The following RADIL variants were observed in gnomAD, a reference collection of about 807,000 sequenced individuals.
The protein encoded by RADIL is ras-associating and dilute domain-containing protein.
A neutral mutation model predicts 97.6 loss-of-function variants in RADIL; 99 were observed. The observed-to-expected ratio is 1.01, with a 90% CI of 0.86 to 1.20. RADIL has a LOEUF of 1.20. Among genes scored for constraint, RADIL ranks in the 50% most tolerant of loss-of-function variants. The pLI is 0.00. For synonymous variants in RADIL, 803 were observed against 691.8 expected, an observed-to-expected ratio of 1.16 and a Z score of -2.52; for missense variants, 1,765 against 1,498.9, an observed-to-expected ratio of 1.18 and a Z score of -2.93.
At chr7:4,866,004 T>G (rs1784122771) in intron 2 of RADIL, among the ~76,000 whole-genome samples, 1 of 152,212 alleles carries the variant, frequency 6.6e-6, no homozygotes. Flanking sequence ...TCTAGGTTTG[T>G]GTAAGTCACT....
chr7:4,803,632 G>C lies in RADIL; in HGVS notation c.2413C>G (p.His805Asp), dbSNP rs1385005331. The C allele has an allele frequency of 1.3e-6, 2 of 1,549,940 alleles. No individual in the cohort carries two copies. The highest frequency in any genetic ancestry group is 2.7e-5 in the African/African-American group (2 of 73,022). ...CTGCTCCGCAGACCCCACAGAAAGTGGCGGACGTAGAGCAGGTGCTGGTAG... is the reference window on the plus strand; with the variant it reads ...CTGCTCCGCAGACCCCACAGAAAGTCGCGGACGTAGAGCAGGTGCTGGTAG... The part of the protein sequence containing the change: ...SIYQHLLYVR[H>D]FLWGLRSRAS... Residue 805 changes from histidine to aspartate, a missense_variant, in exon 11 of 15, where the codon CAC (histidine) becomes GAC (aspartate). By Grantham distance (81) the His-to-Asp change is moderately conservative (BLOSUM62 -1). Coordinates refer to ENST00000399583, the MANE Select transcript of RADIL (RefSeq NM_018059.5).
At position 4,800,295 on chromosome 7, in the gene RADIL, A is replaced by G. The variant is rs2115149891; in HGVS notation, c.2858T>C (p.Leu953Pro). 2.0e-6 allele frequency: 3 copies of G among 1,474,432 alleles called. No homozygotes were observed. Among genetic ancestry groups the G allele is most frequent in the Middle Eastern group, 1.8e-4 (1 of 5,522 alleles). The allele number at this position is 1,474,432 out of a possible 1,614,324, so 91.3% of individuals were successfully genotyped here. Residue 953 changes from leucine (L) to proline (P), a missense_variant, in exon 13 of 15, where the codon CTT becomes CCT. Leu to Pro is a moderately conservative substitution (Grantham distance 98, BLOSUM62 -3). Transcript: ENST00000399583. Reference protein sequence around the residue: ...GAAPEGDSAALAEESPPAPSS... With the variant: ...GAAPEGDSAAPAEESPPAPSS... ...CGGGGCTGGAGGGGACTCCTCCGCA[A>G]GGGCTGCAGAGTCTCCTGGGTGGGG...
chr7:4,832,741 CAAAAA>C (rs71032992), intron 4 of RADIL, among the ~76,000 whole-genome samples: 1 of 66,516 alleles, frequency 1.5e-5, no homozygotes, highest in Admixed American at 1.8e-4. Context: ...TCCGTCTCAG[CAAAAA>C]AAAAAAAAAA....
At position 4,836,347 on chromosome 7, in the gene RADIL, G is replaced by A. The variant is rs374700951; in HGVS notation, c.783+11C>T. The A allele has an allele frequency of 6.4e-7, 1 of 1,567,374 alleles. No homozygotes were observed. Among genetic ancestry groups the A allele is most frequent in the Non-Finnish European group, 8.7e-7 (1 of 1,155,952 alleles). On this transcript the variant is annotated intron_variant, in intron 3 of 14. Coordinates refer to ENST00000399583, the MANE Select transcript of RADIL (RefSeq NM_018059.5). ...GGCACCGGGCAGTGGGTGTCAGGAG[G>A]GGAGGCTCACGTGCTGCTGGCTGTA...
Position 4,834,566 on chromosome 7 carries a change from G to A in RADIL, c.1416+41C>T. On this transcript the variant is annotated intron_variant, in intron 4 of 14. Coordinates refer to ENST00000399583, the MANE Select transcript of RADIL (RefSeq NM_018059.5). This position sits in a 1 kb window ranked among gnomAD's most constrained non-coding sequence, Gnocchi z 6.0. ...CAGCTCCGGGCCCCCTCTTCCCCCAGACCGGCACAGGACCCAGACCGCCCA... is the reference window on the plus strand; with the variant it reads ...CAGCTCCGGGCCCCCTCTTCCCCCAAACCGGCACAGGACCCAGACCGCCCA... The A allele has an allele frequency of 7.7e-7, 1 of 1,305,390 alleles. No homozygotes were observed. The highest frequency in any genetic ancestry group is 9.8e-7 in the Non-Finnish European group (1 of 1,023,146). 80.9% of individuals were successfully genotyped at this position (1,305,390 alleles called of 1,614,324 possible). A position where few individuals can be genotyped will look rare whatever the true frequency, so the allele number is the denominator to read the frequency against.
rs866032986 is a variant in RADIL at position 4,816,375 on chromosome 7, C to A, written c.1819G>T (p.Glu607Ter). The A allele has an allele frequency of 6.2e-7, 1 of 1,610,056 alleles. No homozygotes were observed. Among genetic ancestry groups the A allele is most frequent in the South Asian group, 1.1e-5 (1 of 90,556 alleles). ...ESWSSAPELP[E>*]ELRRVVSVYQ... ...ACAGACACCACGCGGCGCAGCTCCT[C>A]GGGCAGTTCGGGGGCCGAGGACCAG... The change falls in exon 8 of 15, where the codon GAG becomes TAG. Residue 607 changes from glutamate to a stop codon, truncating the protein, a stop_gained. Transcript: ENST00000399583. LOFTEE classifies it high-confidence loss of function.
rs918179686 is a variant in RADIL, at chr7:4,799,111, C to T, written c.*267G>A. 27 of 456,548 alleles carry T rather than the reference C, an allele frequency of 5.9e-5. No homozygotes were observed. Among genetic ancestry groups the T allele is most frequent in the East Asian group, 8.5e-5 (2 of 23,470 alleles). The allele number at this position is 456,548 out of a possible 1,614,324, so 28.3% of individuals were successfully genotyped here. ...ACCCCAGCAGGGCACCCTCTAAGAA[C>T]GGGAAAAATAGTTTATTGAACCGTA... is the stretch of plus-strand genomic sequence containing the variant. On this transcript the variant is annotated 3_prime_UTR_variant, in exon 15 of 15. Transcript: ENST00000399583.
Position 4,840,091 on chromosome 7 carries a change from C to T in RADIL, c.536-3486G>A, listed in dbSNP as rs1400695159. Among the ~76,000 whole-genome samples the T allele has an allele frequency of 6.6e-6, 1 of 152,160 alleles. No homozygotes were observed. The highest frequency in any genetic ancestry group is 1.5e-5 in the Non-Finnish European group (1 of 68,020). ...ATAAAAATCACAGAAGTTTGAAAGG[C>T]CTCTTGCTCACGTGTGGCTTTGTGA... On this transcript the variant is annotated intron_variant, in intron 2 of 14. Transcript: ENST00000399583. This position sits in a 1 kb window ranked among gnomAD's most constrained non-coding sequence, Gnocchi z 5.6.
chr7:4,810,522 G>T (rs10228595), intron 9 of RADIL, among the ~76,000 whole-genome samples: 1,809 of 152,298 alleles, frequency 0.012, 42 homozygotes, highest in African/African-American at 0.041. Flanking sequence ...GTACTGAAGA[G>T]ACTGCTTTAT....
Position 4,872,442 on chromosome 7 carries a change from A to G in RADIL, c.535+5163T>C, listed in dbSNP as rs1158927007. 1.3e-5 allele frequency among the ~76,000 whole-genome samples: 2 copies of G among 151,942 alleles called. No homozygotes were observed. Among genetic ancestry groups the G allele is most frequent in the African/African-American group, 4.8e-5 (2 of 41,358 alleles). On this transcript the variant is annotated intron_variant, in intron 2 of 14. Coordinates refer to ENST00000399583, the MANE Select transcript of RADIL (RefSeq NM_018059.5). This position sits in a 1 kb window ranked among gnomAD's most constrained non-coding sequence, Gnocchi z 5.8. The stretch of plus-strand genomic sequence containing the variant: ...CTTACCCCTCCTGCAAAGGCAAACC[A>G]AGCCTCCCCTCACCGTTCCCCAGCC...
chr7:4,881,267 T>C (rs181956554), intron 1 of RADIL, among the ~76,000 whole-genome samples: 15 of 142,322 alleles, frequency 1.1e-4, no homozygotes, highest in African/African-American at 3.4e-4. Context: ...TACAAAAAAT[T>C]AGCCAGGCGT....
At position 4,821,787 on chromosome 7, in the gene RADIL, C is replaced by T. The variant is rs1209359513; in HGVS notation, c.1615+607G>A. Among the ~76,000 whole-genome samples the T allele has an allele frequency of 6.6e-6, 1 of 152,042 alleles. No individual in the cohort carries two copies. Among genetic ancestry groups the T allele is most frequent in the East Asian group, 1.9e-4 (1 of 5,174 alleles). The stretch of plus-strand genomic sequence containing the variant: ...ACGAGAATCGCTTGAACCTGGGAGA[C>T]GGAGCTTGCAGTGAGCCAAGATCGC... On this transcript the variant is annotated intron_variant, in intron 6 of 14. Transcript: ENST00000399583. The surrounding 1 kb of genome is among the most constrained non-coding windows in gnomAD (Gnocchi z 5.2).
chr7:4,854,837 C>T lies in RADIL; in HGVS notation c.536-18232G>A, dbSNP rs6950905. Among the ~76,000 whole-genome samples the T allele has an allele frequency of 6.6e-6, 1 of 151,886 alleles. No individual in the cohort carries two copies. Among genetic ancestry groups the T allele is most frequent in the Non-Finnish European group, 1.5e-5 (1 of 67,948 alleles). ...TCCACCACCCAACCTAAAAAGAATG[C>T]ACTAGTTCCAGAGTCACATCAACCC... On this transcript the variant is annotated intron_variant, in intron 2 of 14. Coordinates refer to ENST00000399583, the MANE Select transcript of RADIL (RefSeq NM_018059.5). The surrounding 1 kb of genome is among the most constrained non-coding windows in gnomAD (Gnocchi z 5.1).
intron 9 of RADIL, 83 bp from the exon 10 acceptor site, chr7:4,805,799 T>TG: frequency 6.6e-7 from 1 of 1,513,996 alleles, no homozygotes; most frequent in Non-Finnish European, 8.8e-7. Flanking sequence ...ACAGGTGGCC[T>TG]GGGGGTAGCC....
At position 4,804,187 on chromosome 7, in the gene RADIL, G is replaced by T. The variant is rs1051929322; in HGVS notation, c.2291-433C>A. 1.1e-5 allele frequency: 3 copies of T among 269,432 alleles called. No individual in the cohort carries two copies. In the East Asian group the frequency reaches 2.4e-4, roughly 21 times the overall value. 16.7% of individuals were successfully genotyped at this position (269,432 alleles called of 1,614,324 possible). A position where few individuals can be genotyped will look rare whatever the true frequency, so the allele number is the denominator to read the frequency against. On this transcript the variant is annotated intron_variant, in intron 10 of 14. Coordinates refer to ENST00000399583, the MANE Select transcript of RADIL (RefSeq NM_018059.5). ...CACGGGACCCAAACGGCCTGTGTGC[G>T]GGCTGCTCTCTGCCCCCAGGAACAG...
chr7:4,868,750 G>A (rs1784187342), intron 2 of RADIL, among the ~76,000 whole-genome samples: 1 of 152,018 alleles, frequency 6.6e-6, no homozygotes, highest in South Asian at 2.1e-4. Flanking sequence ...CAGTGTCCTT[G>A]GTCAAAGAAA....
At chr7:4,820,998 G>A (rs73050354) in intron 6 of RADIL, among the ~76,000 whole-genome samples, 6,356 of 152,228 alleles carry the variant, frequency 0.042, 162 homozygotes, top group Middle Eastern at 0.095. Flanking sequence ...TGTGTCCTCC[G>A]GGCTGTCTCA....
At chr7:4,859,138 C>G (rs114798646) in intron 2 of RADIL, 3 of 152,424 alleles carry the variant, frequency 2.0e-5, no homozygotes, top group Non-Finnish European at 2.9e-5. Context: ...AGGGACTGAG[C>G]TAGATGTACT....
At chr7:4,804,205 A>C in intron 10 of RADIL, 1 of 250,700 alleles carries the variant, frequency 4.0e-6, no homozygotes, top group Non-Finnish European at 8.2e-6. Flanking sequence ...CTCTGCCCCC[A>C]GGAACAGGAG....
Sources: allele counts gnomAD v4.1 joint callset (sites outside exome capture counted in the v4.1 genomes callset), GRCh38; gene constraint gnomAD v4.1.1; non-coding constraint Gnocchi (gnomAD v3.1); transcripts MANE v1.5; gene names NCBI Gene and HGNC (gene_info 2026-07-23, HGNC 2026-07-21).